The following ZBTB7C variants were observed in gnomAD, a reference collection of about 807,000 sequenced individuals.
The protein encoded by ZBTB7C is zinc finger and BTB domain containing 7C.
ZBTB7C carries 8 observed loss-of-function variants against 25.7 expected under a neutral mutation model. The observed-to-expected ratio is 0.31, with a 90% CI of 0.18 to 0.56. The LOEUF is 0.56. Among genes scored for constraint, ZBTB7C ranks in the 20% least tolerant of loss-of-function variants. The pLI, the probability that ZBTB7C is intolerant of heterozygous loss-of-function variation, is 0.91. For missense variants in ZBTB7C, 824 were observed against 855.2 expected, an observed-to-expected ratio of 0.96 and a Z score of 0.46; for synonymous variants, 394 against 369.0, an observed-to-expected ratio of 1.07 and a Z score of -0.78.
At chr18:48,375,108 C>G (rs1169706957) in intron 1 of ZBTB7C, among the ~76,000 whole-genome samples, 1 of 152,216 alleles carries the variant, frequency 6.6e-6, no homozygotes, top group East Asian at 1.9e-4. Flanking sequence ...GAAGGAGACT[C>G]GAGCCTCTTT....
intron 2 of ZBTB7C, among the ~76,000 whole-genome samples, chr18:48,230,984 C>A (rs2043236418): frequency 6.6e-6 from 1 of 152,190 alleles, no homozygotes; most frequent in Non-Finnish European, 1.5e-5. Flanking sequence ...ACACACCAGA[C>A]CCCTGCTGCC....
rs371661428 is a variant in ZBTB7C at position 48,035,094 on chromosome 18, G to T, written c.1208+4806C>A. 1.1e-3 allele frequency among the ~76,000 whole-genome samples: 172 copies of T among 152,350 alleles called. 3 individuals are homozygous for T. The highest frequency in any genetic ancestry group is 3.8e-3 in the African/African-American group (160 of 41,584). On this transcript the variant is annotated intron_variant, in intron 4 of 4. Transcript: ENST00000590800. ...GGGAGGACTACAAAGAAAATAGAGG[G>T]AAGACAAAAGCCAGGCTGCTGGCTT...
chr18:48,308,467 G>C (rs918437717), intron 2 of ZBTB7C, among the ~76,000 whole-genome samples: 1 of 152,128 alleles, frequency 6.6e-6, no homozygotes. Context: ...TTCTCAGTGG[G>C]CATCCCGAGT....
intron 2 of ZBTB7C, among the ~76,000 whole-genome samples, chr18:48,198,234 G>T (rs1216864142): frequency 6.6e-6 from 1 of 151,952 alleles, no homozygotes; most frequent in African/African-American, 2.4e-5. Context: ...TTTTTTCCTA[G>T]AATCACCCCA....
At chr18:48,036,129 T>TTCATAG (rs2035959162) in intron 4 of ZBTB7C, among the ~76,000 whole-genome samples, 1 of 152,256 alleles carries the variant, frequency 6.6e-6, no homozygotes, top group Non-Finnish European at 1.5e-5. Flanking sequence ...ATTTCATATT[T>TTCATAG]GGAACAGATC....
intron 3 of ZBTB7C, among the ~76,000 whole-genome samples, chr18:48,110,332 C>CA (rs71165311): frequency 0.017 from 2,595 of 152,014 alleles, 86 homozygotes; most frequent in African/African-American, 0.058. Flanking sequence ...CCTACCCCCC[C>CA]ACCTGGTTCA....
intron 2 of ZBTB7C, among the ~76,000 whole-genome samples, chr18:48,195,269 T>G (rs969930878): frequency 2.6e-5 from 4 of 152,246 alleles, no homozygotes; most frequent in Non-Finnish European, 5.9e-5. Context: ...ATGGTTTGAC[T>G]GTGTCCCCTT....
chr18:48,128,071 T>C (rs1332279950), intron 3 of ZBTB7C, among the ~76,000 whole-genome samples: 6 of 152,214 alleles, frequency 3.9e-5, no homozygotes, highest in Admixed American at 2.6e-4. Flanking sequence ...ACTGTTACCA[T>C]GAAGAGCTCC....
intron 1 of ZBTB7C, among the ~76,000 whole-genome samples, chr18:48,356,606 AAGTG>A (rs375806746): frequency 1.3e-5 from 2 of 152,172 alleles, no homozygotes; most frequent in African/African-American, 4.8e-5. Flanking sequence ...CCTAGGGCAG[AAGTG>A]AGTAAGGAAG....
chr18:48,068,138 C>CTTT (rs1266919637), intron 3 of ZBTB7C, among the ~76,000 whole-genome samples: 21 of 124,976 alleles, frequency 1.7e-4, no homozygotes, highest in African/African-American at 3.3e-4. Context: ...CCTTGTAAGT[C>CTTT]TTTTTTTTTT....
At chr18:48,354,422 C>T (rs1156254108) in intron 1 of ZBTB7C, among the ~76,000 whole-genome samples, 12 of 152,132 alleles carry the variant, frequency 7.9e-5, no homozygotes, top group Non-Finnish European at 1.6e-4. Context: ...TTTACGTGCA[C>T]GAACATCGTT....
chr18:48,305,943 T>G (rs1044817749), intron 2 of ZBTB7C, among the ~76,000 whole-genome samples: 1 of 152,116 alleles, frequency 6.6e-6, no homozygotes, highest in African/African-American at 2.4e-5. Context: ...CACTGAAGTT[T>G]TTGCAAGAGA....
At chr18:48,354,596 A>C (rs971081558) in intron 1 of ZBTB7C, among the ~76,000 whole-genome samples, 1 of 152,086 alleles carries the variant, frequency 6.6e-6, no homozygotes, top group Admixed American at 6.5e-5. Flanking sequence ...ATACCACATG[A>C]ATAGAGCTTC....
intron 3 of ZBTB7C, among the ~76,000 whole-genome samples, chr18:48,166,735 C>T (rs1181952858): frequency 1.3e-5 from 2 of 152,214 alleles, no homozygotes; most frequent in Non-Finnish European, 2.9e-5. Context: ...TACACTGCCA[C>T]AGGCAGCCAG....
chr18:48,054,033 G>A (rs1463380679), intron 3 of ZBTB7C, among the ~76,000 whole-genome samples: 2 of 152,232 alleles, frequency 1.3e-5, no homozygotes, highest in African/African-American at 2.4e-5. Flanking sequence ...GGAGTTTGCG[G>A]TGCTGGGTTC....
At chr18:48,328,070 T>C (rs1370632680) in intron 2 of ZBTB7C, among the ~76,000 whole-genome samples, 1 of 150,224 alleles carries the variant, frequency 6.7e-6, no homozygotes, top group Non-Finnish European at 1.5e-5. Flanking sequence ...TAGTCCCAGC[T>C]ACTTGGGAGG....
At chr18:48,281,585 A>G (rs928690167) in intron 2 of ZBTB7C, among the ~76,000 whole-genome samples, 1 of 152,226 alleles carries the variant, frequency 6.6e-6, no homozygotes, top group Non-Finnish European at 1.5e-5. Flanking sequence ...AATATCCAGA[A>G]TCTACAATGA....
intron 1 of ZBTB7C, among the ~76,000 whole-genome samples, chr18:48,398,328 T>A (rs980436203): frequency 6.6e-5 from 10 of 152,182 alleles, no homozygotes; most frequent in Non-Finnish European, 1.3e-4. Context: ...GAGTTTTGCT[T>A]ACCAGACTCT....
intron 1 of ZBTB7C, among the ~76,000 whole-genome samples, chr18:48,383,390 C>T (rs745727887): frequency 7.9e-5 from 12 of 152,030 alleles, no homozygotes; most frequent in Non-Finnish European, 1.3e-4. Flanking sequence ...CTCAGCCTCC[C>T]GAGCAGCTGG....
Sources: gnomAD v4.1 joint callset for allele counts (sites outside exome capture counted in the v4.1 genomes callset) on GRCh38, gnomAD v4.1.1 for gene constraint, MANE v1.5 for transcripts, NCBI Gene and HGNC (gene_info 2026-07-23, HGNC 2026-07-21) for gene names.